EPB42: variants seen among roughly 807,000 people sequenced by gnomAD.
EPB42 encodes the protein erythrocyte membrane protein band 4.2, also known as protein 4.2.
In EPB42, 49 loss-of-function variants were observed where a neutral mutation model predicts 76.9. The ratio of observed to expected loss-of-function variants is 0.64; its 90% CI spans 0.51 to 0.81. The LOEUF is 0.81. EPB42 is among the 30% of genes least tolerant of loss of function. EPB42 has a pLI of 0.00. For synonymous variants in EPB42, 310 were observed against 338.4 expected (o/e 0.92, Z 0.92); for missense variants, 731 against 867.6 (o/e 0.84, Z 1.98).
chr15:43,197,468 A>C lies in EPB42; in HGVS notation c.1914-4T>G. On this transcript the variant is annotated splice_polypyrimidine_tract_variant and splice_region_variant and intron_variant, in intron 12 of 12. Coordinates refer to ENST00000441366, the MANE Select transcript of EPB42 (RefSeq NM_001114134.2). Reference sequence around the variant, plus strand: ...TTCAGGCCACACTGAACGGAATCTGAAATAAAGGAAAAGGCAGGTGCTAGT... The same window carrying C: ...TTCAGGCCACACTGAACGGAATCTGCAATAAAGGAAAAGGCAGGTGCTAGT... 2 of 1,613,950 alleles carry C rather than the reference A, an allele frequency of 1.2e-6. No homozygotes were observed. The highest frequency in any genetic ancestry group is 1.7e-6 in the Non-Finnish European group (2 of 1,180,036).
chr15:43,201,754 G>T, intron 12 of EPB42, 90 bp downstream of exon 12: 4 of 1,585,012 alleles, frequency 2.5e-6, no homozygotes, highest in African/African-American at 1.3e-5. Context: ...TGTCTGCATG[G>T]ACATGGCAAA....
rs1204436504 is a variant in EPB42 at position 43,208,285 on chromosome 15, G to A, written c.1020C>T (p.Pro340=). Residue 340 remains proline (P), a synonymous_variant, in exon 8 of 13, where the codon CCC becomes CCT. Coordinates refer to ENST00000441366, the MANE Select transcript of EPB42 (RefSeq NM_001114134.2). ...GAATCTGCCATCCATCATAACCCTGGGGCAAGGCAGGCCGCGTCATCCAGC... is the reference window on the plus strand; with the variant it reads ...GAATCTGCCATCCATCATAACCCTGAGGCAAGGCAGGCCGCGTCATCCAGC... The part of the protein sequence containing the change: ...TECWMTRPAL[P]QGYDGWQILH... 6.2e-7 allele frequency: 1 copy of A among 1,614,128 alleles called. No homozygotes were observed. Among genetic ancestry groups the A allele is most frequent in the Non-Finnish European group, 8.5e-7 (1 of 1,179,996 alleles).
rs1190513717 is a variant in EPB42 at position 43,206,416 on chromosome 15, A to G, written c.1532T>C (p.Ile511Thr). 4.3e-6 allele frequency: 7 copies of G among 1,613,992 alleles called. No individual in the cohort carries two copies. The highest frequency in any genetic ancestry group is 5.9e-6 in the Non-Finnish European group (7 of 1,180,026). Residue 511 changes from isoleucine (I) to threonine (T), a missense_variant, in exon 10 of 13, where the codon ATT becomes ACT. By Grantham distance (89) the Ile-to-Thr change is moderately conservative. Transcript: ENST00000441366. The surrounding 1 kb of genome is among the most constrained non-coding windows in gnomAD (Gnocchi z 4.7). ...GTTGTAGTGTACAGCCTGGACCCCA[A>G]TTGCCAGCTGCACTGCCTTCTCCTG... ...SEQEKAVQLA[I>T]GVQAVHYNGV...
intron 5 of EPB42, 111 bp from the exon 6 acceptor site, chr15:43,209,562 C>G (rs2042260533): frequency 1.6e-6 from 2 of 1,245,890 alleles, no homozygotes; most frequent in East Asian, 4.7e-5. Context: ...AACAGATCCC[C>G]AGCATTAGAG....
At chr15:43,203,834 G>T (rs148768252) in intron 10 of EPB42, among the ~76,000 whole-genome samples, 1 of 152,236 alleles carries the variant, frequency 6.6e-6, no homozygotes, top group East Asian at 1.9e-4. Context: ...GGATAGCAAT[G>T]GTTCTTGCCA....
chr15:43,211,976 G>C (rs1449282827), intron 3 of EPB42, among the ~76,000 whole-genome samples: 2 of 152,158 alleles, frequency 1.3e-5, no homozygotes, highest in Admixed American at 6.5e-5. Flanking sequence ...GCTGAAGCGG[G>C]AGGAAACTTG....
upstream of EPB42, among the ~76,000 whole-genome samples, chr15:43,225,356 G>A (rs489964): frequency 0.53 from 79,961 of 152,166 alleles, 25,538 homozygotes; most frequent in Non-Finnish European, 0.68. Context: ...CTGGCTGAAA[G>A]AACTATTTTC....
chr15:43,206,594 C>G lies in EPB42; in HGVS notation c.1354G>C (p.Glu452Gln), dbSNP rs774089462. 6.2e-7 allele frequency: 1 copy of G among 1,614,138 alleles called. No homozygotes were observed. The highest frequency in any genetic ancestry group is 2.2e-5 in the East Asian group (1 of 44,884). ...TTCTCACGTTCCATTTTCTCTTTCTCGACTCTCTCCAGCACCTCTTTTTCC... is the reference window on the plus strand; with the variant it reads ...TTCTCACGTTCCATTTTCTCTTTCTGGACTCTCTCCAGCACCTCTTTTTCC... Reference protein sequence around the residue: ...LQEKEVLERVEKEKMEREKDN... With the variant: ...LQEKEVLERVQKEKMEREKDN... Residue 452 changes from glutamate (E) to glutamine (Q), a missense_variant, in exon 10 of 13, where the codon GAG becomes CAG. Transcript: ENST00000441366. This position sits in a 1 kb window ranked among gnomAD's most constrained non-coding sequence, Gnocchi z 4.7.
At chr15:43,214,694 G>A (rs1022337149) in intron 3 of EPB42, among the ~76,000 whole-genome samples, 1 of 152,116 alleles carries the variant, frequency 6.6e-6, no homozygotes, top group Admixed American at 6.6e-5. Flanking sequence ...CGGGGAGAGA[G>A]AGAGAAGCCC....
chr15:43,209,249 C>G, intron 6 of EPB42, 25 bp downstream of exon 6: 2 of 1,613,738 alleles, frequency 1.2e-6, no homozygotes, highest in African/African-American at 2.7e-5. Context: ...AGGCAGGGCA[C>G]TCTACAGGAG....
intron 2 of EPB42, 134 bp downstream of exon 2, chr15:43,216,134 G>T (rs1005185584): frequency 6.5e-6 from 7 of 1,082,518 alleles, no homozygotes; most frequent in East Asian, 2.6e-5. Flanking sequence ...TGACTGCCCT[G>T]CCAGGTGGGC....
Position 43,206,411 on chromosome 15 carries a change from C to A in EPB42, c.1537G>T (p.Val513Phe), listed in dbSNP as rs2042205394. 6.2e-7 allele frequency: 1 copy of A among 1,614,172 alleles called. No homozygotes were observed. The highest frequency in any genetic ancestry group is 2.2e-5 in the East Asian group (1 of 44,882). Residue 513 changes from valine (V) to phenylalanine (F), a missense_variant, in exon 10 of 13, where the codon GTC (valine) becomes TTC (phenylalanine). Physicochemically the swap from Val to Phe is conservative, Grantham distance 50. Transcript: ENST00000441366. This position sits in a 1 kb window ranked among gnomAD's most constrained non-coding sequence, Gnocchi z 4.7. ...ACACCGTTGTAGTGTACAGCCTGGA[C>A]CCCAATTGCCAGCTGCACTGCCTTC... ...QEKAVQLAIG[V>F]QAVHYNGVLA...
Position 43,206,240 on chromosome 15 carries a change from A to G in EPB42, c.1618+90T>C. Reference sequence around the variant, plus strand: ...GCTCAAAGCCATCTCTAGAGACTGCAGGGGGTGCCCTGTGGCTGCTGCCTG... The same window carrying G: ...GCTCAAAGCCATCTCTAGAGACTGCGGGGGGTGCCCTGTGGCTGCTGCCTG... On this transcript the variant is annotated intron_variant, in intron 10 of 12. Transcript: ENST00000441366. The surrounding 1 kb of genome is among the most constrained non-coding windows in gnomAD (Gnocchi z 4.7). The G allele has an allele frequency of 7.3e-7, 1 of 1,376,878 alleles. No homozygotes were observed. Among genetic ancestry groups the G allele is most frequent in the Non-Finnish European group, 9.8e-7 (1 of 1,017,774 alleles). The allele number at this position is 1,376,878 out of a possible 1,614,324, so 85.3% of individuals were successfully genotyped here. A position where few individuals can be genotyped will look rare whatever the true frequency, so the allele number is the denominator to read the frequency against.
intron 3 of EPB42, 106 bp downstream of exon 3, chr15:43,214,989 A>G (rs1596416531): frequency 2.1e-6 from 2 of 950,322 alleles, no homozygotes; most frequent in Non-Finnish European, 3.3e-6. Context: ...GTCCTTAGAG[A>G]GGGCTGCCAC....
intron 2 of EPB42, 62 bp from the exon 3 acceptor site, chr15:43,215,390 G>C: frequency 6.5e-7 from 1 of 1,544,396 alleles, no homozygotes; most frequent in Non-Finnish European, 9.0e-7. Flanking sequence ...AGAGTAATAA[G>C]GTCAGGGTAT....
chr15:43,211,388 A>G (rs1234879246), intron 4 of EPB42, 28 bp downstream of exon 4: 2 of 1,384,498 alleles, frequency 1.4e-6, no homozygotes, highest in Non-Finnish European at 2.1e-6. Flanking sequence ...GTCACTCTAC[A>G]CACTCCTCCC....
chr15:43,220,649 A>ACC (rs3832982), intron 1 of EPB42, 167 bp downstream of exon 1: 65 of 389,166 alleles, frequency 1.7e-4, no homozygotes, highest in South Asian at 2.6e-4. Context: ...CACCTACCAC[A>ACC]CCCCCCCCCC....
At chr15:43,199,692 T>C (rs1426535910) in intron 12 of EPB42, among the ~76,000 whole-genome samples, 1 of 152,184 alleles carries the variant, frequency 6.6e-6, no homozygotes, top group Non-Finnish European at 1.5e-5. Flanking sequence ...TGGAATGATA[T>C]GATTTTGCTG....
intron 11 of EPB42, among the ~76,000 whole-genome samples, 181 bp from the exon 12 acceptor site, chr15:43,202,158 G>A (rs2042136327): frequency 6.6e-6 from 1 of 152,064 alleles, no homozygotes. Context: ...CCCACCCTTG[G>A]TCCTTCACTG....
Sources: allele counts gnomAD v4.1 joint callset (sites outside exome capture counted in the v4.1 genomes callset), GRCh38; gene constraint gnomAD v4.1.1; non-coding constraint Gnocchi (gnomAD v3.1); transcripts MANE v1.5; gene names NCBI Gene and HGNC (gene_info 2026-07-23, HGNC 2026-07-21).